The following DHX8 variants were observed in gnomAD, a reference collection of about 807,000 sequenced individuals.
DHX8 encodes ATP-dependent RNA helicase DHX8.
DHX8 carries 67 observed loss-of-function variants against 140.7 expected under a neutral mutation model. The ratio of observed to expected loss-of-function variants is 0.48; its 90% CI spans 0.39 to 0.58. DHX8 has a LOEUF of 0.58. Ranked by LOEUF, DHX8 falls within the 20% of genes least tolerant of loss-of-function variation. DHX8 has a pLI of 0.00. For synonymous variants in DHX8, 533 were observed against 553.2 expected (o/e 0.96, Z 0.51); for missense variants, 887 against 1,550.7 (o/e 0.57, Z 7.19).
At chr17:43,544,501 C>G (rs938985656), downstream of DHX8, 19 of 157,676 alleles carry the variant, frequency 1.2e-4, no homozygotes, top group African/African-American at 4.1e-4. Context: ...TTGTTTGGTG[C>G]TGGGGGTTGG....
At chr17:43,489,849 CAA>C (rs1968401034) in intron 2 of DHX8, among the ~76,000 whole-genome samples, 1 of 152,176 alleles carries the variant, frequency 6.6e-6, no homozygotes, top group African/African-American at 2.4e-5. Context: ...CTCGGCCTTC[CAA>C]AGTGCTGGGA....
At chr17:43,530,885 G>A (rs1401406827), downstream of DHX8, among the ~76,000 whole-genome samples, 4 of 152,228 alleles carry the variant, frequency 2.6e-5, no homozygotes, top group East Asian at 7.7e-4. Context: ...ACCTCCGGGA[G>A]GAGGCGGGAG....
intron 16 of DHX8, 70 bp downstream of exon 16, chr17:43,508,590 G>A: frequency 9.8e-7 from 1 of 1,022,458 alleles, no homozygotes; most frequent in Non-Finnish European, 1.5e-6. Context: ...GTCAGCCATA[G>A]TAGGGATTGC....
intron 2 of DHX8, chr17:43,536,349 T>C (rs1971242500): frequency 7.7e-7 from 1 of 1,305,408 alleles, no homozygotes; most frequent in South Asian, 1.2e-5. Flanking sequence ...AGCTGCTCTC[T>C]TGTGATTCTC....
chr17:43,514,402 C>G (rs572484009), intron 17 of DHX8, among the ~76,000 whole-genome samples: 1 of 152,068 alleles, frequency 6.6e-6, no homozygotes, highest in Non-Finnish European at 1.5e-5. Flanking sequence ...AGTTTGAATC[C>G]TAGTACCCTA....
Position 43,493,845 on chromosome 17 carries a change from C to T in DHX8, c.1171C>T (p.Leu391Phe). The change falls in exon 8 of 23, where the codon CTC becomes TTC. Residue 391 changes from leucine to phenylalanine, a missense_variant. Leu to Phe is a conservative substitution (Grantham distance 22). Transcript: ENST00000262415. ...VEDDSLERKR[L>F]TRISDPEKWE... ...GGACGACTCACTGGAACGCAAGCGCCTCACCCGAATCTCTGACCCAGAGAA... is the reference window on the plus strand; with the variant it reads ...GGACGACTCACTGGAACGCAAGCGCTTCACCCGAATCTCTGACCCAGAGAA... The T allele has an allele frequency of 6.2e-7, 1 of 1,614,222 alleles. No individual in the cohort carries two copies. Among genetic ancestry groups the T allele is most frequent in the Non-Finnish European group, 8.5e-7 (1 of 1,180,042 alleles).
At chr17:43,522,902 A>G (rs1970451913) in intron 22 of DHX8, among the ~76,000 whole-genome samples, 1 of 151,588 alleles carries the variant, frequency 6.6e-6, no homozygotes, top group South Asian at 2.1e-4. Context: ...TGTCTCTACT[A>G]AAAATACAAA....
chr17:43,500,879 C>G lies in DHX8; in HGVS notation c.1546+776C>G, dbSNP rs528477356. Among the ~76,000 whole-genome samples the G allele has an allele frequency of 9.9e-5, 15 of 152,176 alleles. No individual in the cohort carries two copies. In the East Asian group the frequency reaches 2.9e-3, roughly 29 times the overall value. ...TGAGCCAAGATCGCGCCACTGCACT[C>G]CAGCCTGGCTACAGAGTGAGACTCC... is the stretch of plus-strand genomic sequence containing the variant. On this transcript the variant is annotated intron_variant, in intron 11 of 22. Transcript: ENST00000262415.
At chr17:43,492,134 AT>A in intron 4 of DHX8, 48 bp from the exon 5 acceptor site, 2 of 1,320,308 alleles carry the variant, frequency 1.5e-6, no homozygotes, top group South Asian at 2.4e-5. Flanking sequence ...GTACATACAG[AT>A]TCTTGAGTAG....
intron 3 of DHX8, among the ~76,000 whole-genome samples, chr17:43,543,376 G>A (rs1230943509): frequency 6.6e-6 from 1 of 151,866 alleles, no homozygotes; most frequent in Non-Finnish European, 1.5e-5. Context: ...CAAGGGGTGG[G>A]ACTTCCAAGG....
rs2154586308 is a variant in DHX8, at chr17:43,489,323, C to T, written c.149-126C>T. The T allele has an allele frequency of 4.5e-6, 3 of 664,512 alleles. No individual in the cohort carries two copies. The South Asian group carries it at 5.8e-5, about 13-fold the overall frequency. The allele number at this position is 664,512 out of a possible 1,614,324, so 41.2% of individuals were successfully genotyped here. Reference sequence around the variant, plus strand: ...CCTGGCCAGATTTTCTCTCTTTACCCTTACCAGATGGTGGTCTTTGTTTTT... The same window carrying T: ...CCTGGCCAGATTTTCTCTCTTTACCTTTACCAGATGGTGGTCTTTGTTTTT... On this transcript the variant is annotated intron_variant, in intron 1 of 22. Transcript: ENST00000262415.
chr17:43,538,488 C>T (rs146944427), intron 3 of DHX8, among the ~76,000 whole-genome samples: 15 of 152,210 alleles, frequency 9.9e-5, no homozygotes, highest in African/African-American at 3.1e-4. Flanking sequence ...CCCAGGATGC[C>T]AGGATGGGTG....
Position 43,492,178 on chromosome 17 carries a change from T to G in DHX8, c.394-5T>G, listed in dbSNP as rs1171051802. The G allele has an allele frequency of 6.2e-7, 1 of 1,613,130 alleles. No homozygotes were observed. The highest frequency in any genetic ancestry group is 1.3e-5 in the African/African-American group (1 of 74,906). On this transcript the variant is annotated splice_region_variant and splice_polypyrimidine_tract_variant and intron_variant, in intron 4 of 22. Coordinates refer to ENST00000262415, the MANE Select transcript of DHX8 (RefSeq NM_004941.3). ...TCCTAACTTTGCCGGCCTCTACCTCTGCAGACCATGTTGGATGAAGATGAT... is the reference window on the plus strand; with the variant it reads ...TCCTAACTTTGCCGGCCTCTACCTCGGCAGACCATGTTGGATGAAGATGAT...
downstream of DHX8, chr17:43,526,832 T>A: frequency 1.8e-6 from 1 of 554,544 alleles, no homozygotes; most frequent in Non-Finnish European, 2.8e-6. Flanking sequence ...ATTATGTCAG[T>A]ACATTGATAT....
downstream of DHX8, among the ~76,000 whole-genome samples, chr17:43,530,774 G>T (rs982866795): frequency 6.6e-6 from 1 of 152,004 alleles, no homozygotes; most frequent in Non-Finnish European, 1.5e-5. Flanking sequence ...ACTCCACATC[G>T]GGAAGGCGGC....
At position 43,511,456 on chromosome 17, in the gene DHX8, A is replaced by ATTTTTTTTTTTTTTTTTTTTTTTTT. The variant is rs71160045; in HGVS notation, c.2503-1887_2503-1886insTTTTTTTTTTTTTTTTTTTTTTTTT. Among the ~76,000 whole-genome samples the ATTTTTTTTTTTTTTTTTTTTTTTTT allele has an allele frequency of 4.4e-4, 25 of 56,790 alleles. 11 individuals carry two copies. Among genetic ancestry groups the ATTTTTTTTTTTTTTTTTTTTTTTTT allele is most frequent in the East Asian group, 2.1e-3 (3 of 1,418 alleles). 37.3% of individuals were successfully genotyped at this position (56,790 alleles called of 152,430 possible). ...AGTGGCTTATGCCTGTGATCCCAGC[A>ATTTTTTTTTTTTTTTTTTTTTTTTT]TTTTTTTTTTTTTTTTTTTGAGACA... On this transcript the variant is annotated intron_variant, in intron 16 of 22. Transcript: ENST00000262415.
At chr17:43,528,173 G>A (rs1970678716), downstream of DHX8, 1 of 255,710 alleles carries the variant, frequency 3.9e-6, no homozygotes, top group African/African-American at 2.2e-5. Flanking sequence ...TATGAAGTTG[G>A]GAAGCGCCTT....
chr17:43,509,974 T>G (rs1039101833), intron 16 of DHX8, among the ~76,000 whole-genome samples: 31 of 151,912 alleles, frequency 2.0e-4, no homozygotes, highest in African/African-American at 7.0e-4. Context: ...CAGCCAATTT[T>G]TGTATTTTTT....
At position 43,513,633 on chromosome 17, in the gene DHX8, G is replaced by A. The variant is rs1425948249; in HGVS notation, c.2643+131G>A. ...ATGATACTGGGTACTATAATGACAT[G>A]AGGGAAGGATTTTTTGTTATTTGTT... On this transcript the variant is annotated intron_variant, in intron 17 of 22. Coordinates refer to ENST00000262415, the MANE Select transcript of DHX8 (RefSeq NM_004941.3). 7 of 787,388 alleles carry A rather than the reference G, an allele frequency of 8.9e-6. No homozygotes were observed. The East Asian group carries it at 1.9e-4, about 21-fold the overall frequency. 48.8% of individuals were successfully genotyped at this position (787,388 alleles called of 1,614,324 possible).
Sources: allele counts gnomAD v4.1 joint callset (sites outside exome capture counted in the v4.1 genomes callset), GRCh38; gene constraint gnomAD v4.1.1; transcripts MANE v1.5; gene names NCBI Gene and HGNC (gene_info 2026-07-23, HGNC 2026-07-21).